Variants in FAM171A1 observed in about 807,000 individuals in gnomAD.
The protein encoded by FAM171A1 is family with sequence similarity 171 member A1, also known as protein FAM171A1.
Under a neutral mutation model 74.9 loss-of-function variants are expected in FAM171A1, and 23 were observed. The observed-to-expected ratio is 0.31, with a 90% CI of 0.22 to 0.44. The LOEUF is 0.44. Ranked by LOEUF, FAM171A1 falls within the 20% of genes least tolerant of loss-of-function variation. FAM171A1 has a pLI of 1.00. For synonymous variants in FAM171A1, 527 were observed against 505.7 expected, an observed-to-expected ratio of 1.04 and a Z score of -0.57; for missense variants, 1,162 against 1,159.2, an observed-to-expected ratio of 1.00 and a Z score of -0.03.
chr10:15,229,057 G>T (rs376158856), intron 5 of FAM171A1, among the ~76,000 whole-genome samples: 1 of 152,216 alleles, frequency 6.6e-6, no homozygotes, highest in African/African-American at 2.4e-5. Context: ...GACTCGGAAA[G>T]AAATGCCACA....
rs1271838301 is a variant in FAM171A1 at position 15,254,869 on chromosome 10, T to C, written c.429A>G (p.Pro143=). ...QIVSGFQGAR[P]QPRVHFQRRA... is the part of the protein sequence containing the mutation. ...TTCTCTGGAAATGAACGCGAGGCTGTGGCCGGGCACCTGCAGAGATTAACC... is the reference window on the plus strand; with the variant it reads ...TTCTCTGGAAATGAACGCGAGGCTGCGGCCGGGCACCTGCAGAGATTAACC... The change falls in exon 4 of 8, where the codon CCA becomes CCG. Residue 143 remains proline (P), a synonymous_variant. Coordinates refer to ENST00000378116, the MANE Select transcript of FAM171A1 (RefSeq NM_001010924.2). 5.6e-6 allele frequency: 9 copies of C among 1,613,684 alleles called. No homozygotes were observed. Among genetic ancestry groups the C allele is most frequent in the African/African-American group, 5.3e-5 (4 of 74,938 alleles).
chr10:15,294,050 G>C (rs1835132890), intron 1 of FAM171A1, among the ~76,000 whole-genome samples: 1 of 152,194 alleles, frequency 6.6e-6, no homozygotes, highest in Admixed American at 6.5e-5. Context: ...TGGCCAAAGG[G>C]ACCGCAGAGG....
At chr10:15,335,569 A>G (rs1004359813) in intron 1 of FAM171A1, among the ~76,000 whole-genome samples, 8 of 152,216 alleles carry the variant, frequency 5.3e-5, no homozygotes, top group African/African-American at 7.2e-5. Flanking sequence ...TTAAACAGCA[A>G]TGAAACATTT....
chr10:15,289,110 T>C (rs1051039654), intron 1 of FAM171A1, among the ~76,000 whole-genome samples: 1 of 152,026 alleles, frequency 6.6e-6, no homozygotes, highest in African/African-American at 2.4e-5. Flanking sequence ...GTGTGAGCCA[T>C]CACACCCGGC....
chr10:15,237,560 G>C (rs1272681455), intron 5 of FAM171A1: 1 of 152,196 alleles, frequency 6.6e-6, no homozygotes, highest in Non-Finnish European at 1.5e-5. Context: ...TTGGAGAACA[G>C]GAGTGGTACA....
Position 15,213,467 on chromosome 10 carries a change from C to T in FAM171A1, c.2121G>A (p.Ala707=), listed in dbSNP as rs374268646. 1.4e-4 allele frequency: 225 copies of T among 1,614,142 alleles called. 1 individual carries two copies. In the African/African-American group the frequency reaches 2.7e-3, roughly 19 times the overall value. Residue 707 remains alanine (A), a synonymous_variant, in exon 8 of 8, where the codon GCG becomes GCA. Coordinates refer to ENST00000378116, the MANE Select transcript of FAM171A1 (RefSeq NM_001010924.2). This position sits in a 1 kb window ranked among gnomAD's most constrained non-coding sequence, Gnocchi z 6.8. Reference sequence around the variant, plus strand: ...ACCTGCCATCCAAGGAGACGAACCACGCCCGGGGGTGCGGAAGCGGCTTCC... The same window carrying T: ...ACCTGCCATCCAAGGAGACGAACCATGCCCGGGGGTGCGGAAGCGGCTTCC... ...GGGKPLPHPR[A]WFVSLDGRSN... is the part of the protein sequence containing the mutation.
chr10:15,356,520 C>T (rs1451532785), intron 1 of FAM171A1, among the ~76,000 whole-genome samples: 1 of 152,120 alleles, frequency 6.6e-6, no homozygotes, highest in South Asian at 2.1e-4. Context: ...ACAGCAACTA[C>T]AGATAGAACA....
chr10:15,361,059 A>C (rs1423548681), intron 1 of FAM171A1, among the ~76,000 whole-genome samples: 4 of 152,140 alleles, frequency 2.6e-5, no homozygotes, highest in Admixed American at 6.5e-5. Flanking sequence ...TTACCTTTAT[A>C]AGAAACTATA....
intron 1 of FAM171A1, among the ~76,000 whole-genome samples, chr10:15,343,044 G>C (rs184250228): frequency 1.9e-3 from 289 of 152,292 alleles, no homozygotes; most frequent in African/African-American, 6.1e-3. Flanking sequence ...CCCCAGCCTG[G>C]CTGAATACTA....
chr10:15,309,655 T>C (rs1212549396), intron 1 of FAM171A1, among the ~76,000 whole-genome samples: 1 of 152,244 alleles, frequency 6.6e-6, no homozygotes, highest in Non-Finnish European at 1.5e-5. Flanking sequence ...AATGAAATAC[T>C]CAATAGCATG....
intron 1 of FAM171A1, among the ~76,000 whole-genome samples, chr10:15,297,647 T>C (rs1315521232): frequency 6.6e-6 from 1 of 152,232 alleles, no homozygotes; most frequent in African/African-American, 2.4e-5. Flanking sequence ...AGAGATCATG[T>C]TAGATACATA....
chr10:15,273,785 A>G (rs1321366695), intron 3 of FAM171A1, among the ~76,000 whole-genome samples: 1 of 152,222 alleles, frequency 6.6e-6, no homozygotes, highest in Admixed American at 6.5e-5. Flanking sequence ...GACAAAAACC[A>G]CATGATTATC....
At position 15,252,262 on chromosome 10, in the gene FAM171A1, T is replaced by A. The variant is rs529384595; in HGVS notation, c.577+2459A>T. ...ATGCTTCTCCACTTACTTACAACTC[T>A]GGATCCACCCTCTAAACCAAACAAC... On this transcript the variant is annotated intron_variant, in intron 4 of 7. Coordinates refer to ENST00000378116, the MANE Select transcript of FAM171A1 (RefSeq NM_001010924.2). Among the ~76,000 whole-genome samples the A allele has an allele frequency of 8.5e-5, 13 of 152,290 alleles. No homozygotes were observed. In the South Asian group the frequency reaches 2.7e-3, roughly 32 times the overall value.
chr10:15,267,739 G>T (rs528033882), intron 3 of FAM171A1, among the ~76,000 whole-genome samples: 2 of 152,114 alleles, frequency 1.3e-5, no homozygotes, highest in Non-Finnish European at 2.9e-5. Flanking sequence ...AGACTTGAGA[G>T]GAGACAGTGA....
At chr10:15,292,386 T>A (rs777076101) in intron 1 of FAM171A1, among the ~76,000 whole-genome samples, 1 of 152,232 alleles carries the variant, frequency 6.6e-6, no homozygotes, top group Non-Finnish European at 1.5e-5. Flanking sequence ...CCATTCTTTC[T>A]TTCATGCATT....
intron 1 of FAM171A1, among the ~76,000 whole-genome samples, chr10:15,305,602 G>A (rs192873355): frequency 2.1e-5 from 3 of 141,156 alleles, no homozygotes; most frequent in African/African-American, 7.9e-5. Flanking sequence ...AGGAGTTTGA[G>A]GCTGCAGTGA....
At chr10:15,306,537 T>G (rs1312475928) in intron 1 of FAM171A1, among the ~76,000 whole-genome samples, 1 of 152,056 alleles carries the variant, frequency 6.6e-6, no homozygotes, top group African/African-American at 2.4e-5. Flanking sequence ...GCTAATTTTG[T>G]GTATTTTTAG....
intron 5 of FAM171A1, among the ~76,000 whole-genome samples, chr10:15,223,727 C>T (rs937451454): frequency 6.6e-6 from 1 of 151,956 alleles, no homozygotes; most frequent in Non-Finnish European, 1.5e-5. Context: ...AGCAAAACCC[C>T]GTCTCTACTA....
intron 1 of FAM171A1, among the ~76,000 whole-genome samples, chr10:15,309,139 T>C (rs559497526): frequency 6.6e-6 from 1 of 152,198 alleles, no homozygotes; most frequent in Non-Finnish European, 1.5e-5. Flanking sequence ...AAGCAATAAA[T>C]TAATGGATGT....
Sources: allele counts gnomAD v4.1 joint callset (sites outside exome capture counted in the v4.1 genomes callset), GRCh38; gene constraint gnomAD v4.1.1; non-coding constraint Gnocchi (gnomAD v3.1); transcripts MANE v1.5; gene names NCBI Gene and HGNC (gene_info 2026-07-23, HGNC 2026-07-21).